The following CSMD2 variants were observed in gnomAD, a reference collection of about 807,000 sequenced individuals.
CSMD2 encodes the protein CUB and sushi domain-containing protein 2.
In CSMD2, 130 loss-of-function variants were observed where a neutral mutation model predicts 398.5. The ratio of observed to expected loss-of-function variants is 0.33; its 90% CI spans 0.28 to 0.38. The LOEUF is 0.38. Among genes scored for constraint, CSMD2 ranks in the 10% least tolerant of loss-of-function variants. The pLI is 1.00. For missense variants in CSMD2, 3,829 were observed against 4,764.9 expected (o/e 0.80, Z 5.78); for synonymous variants, 1,828 against 1,908.5 (o/e 0.96, Z 1.10).
In CSMD2 at chr1:33,743,351, C is replaced by G; in HGVS notation, c.2102G>C (p.Gly701Ala). 1 of 1,614,150 alleles carries G rather than the reference C, an allele frequency of 6.2e-7. No homozygotes were observed. Among genetic ancestry groups the G allele is most frequent in the Admixed American group, 1.7e-5 (1 of 60,022 alleles). Residue 701 changes from glycine to alanine, a missense_variant, in exon 14 of 71, where the codon GGC becomes GCC. By Grantham distance (60) the Gly-to-Ala change is moderately conservative (BLOSUM62 0). Transcript: ENST00000373381. The part of the protein sequence containing the change: ...NQLPSSITSS[G>A]HVARLEFQTD... ...CTGGAACTCGAGACGGGCCACGTGG[C>G]CACTGCTTGTGATGGAGGAGGGAAG... is the stretch of plus-strand genomic sequence containing the variant.
At chr1:33,571,871 T>A (rs1659627409) in intron 50 of CSMD2, 145 bp from the exon 51 acceptor site, 1 of 554,382 alleles carries the variant, frequency 1.8e-6, no homozygotes, top group Non-Finnish European at 2.7e-6. Flanking sequence ...GTTTGGTAAA[T>A]GAACAGGTGG....
intron 44 of CSMD2, chr1:33,599,486 CTTA>C (rs2148798230): frequency 1.3e-5 from 2 of 152,304 alleles, no homozygotes; most frequent in African/African-American, 4.8e-5. Flanking sequence ...AGGTTAGGTA[CTTA>C]TATGATTCCT....
intron 44 of CSMD2, among the ~76,000 whole-genome samples, chr1:33,588,383 G>GTT (rs138129597): frequency 1.3e-5 from 2 of 151,712 alleles, no homozygotes; most frequent in Non-Finnish European, 2.9e-5. Context: ...CATCTTTTAC[G>GTT]TTTTTTTCTT....
At chr1:33,693,870 C>A (rs1252012338) in intron 24 of CSMD2, among the ~76,000 whole-genome samples, 1 of 152,004 alleles carries the variant, frequency 6.6e-6, no homozygotes, top group African/African-American at 2.4e-5. Flanking sequence ...TCAGCCTGAC[C>A]AACATGGAGA....
intron 2 of CSMD2, among the ~76,000 whole-genome samples, chr1:34,042,913 C>T (rs1289972283): frequency 6.6e-6 from 1 of 151,300 alleles, no homozygotes; most frequent in Non-Finnish European, 1.5e-5. Flanking sequence ...CTCAGCCTCC[C>T]GAGTAGCTAG....
intron 25 of CSMD2, among the ~76,000 whole-genome samples, chr1:33,669,554 C>T (rs1418471906): frequency 6.6e-6 from 1 of 152,218 alleles, no homozygotes; most frequent in Non-Finnish European, 1.5e-5. Flanking sequence ...TTACTGATTT[C>T]CTTCTTATTC....
At chr1:33,654,501 C>T (rs766898817) in intron 27 of CSMD2, among the ~76,000 whole-genome samples, 1 of 152,156 alleles carries the variant, frequency 6.6e-6, no homozygotes, top group Non-Finnish European at 1.5e-5. Context: ...AGCTTCTGAG[C>T]GAGGTGGTGC....
Position 34,132,253 on chromosome 1 carries a change from ACCCTTAGTCAGCTTT to A in CSMD2, c.187+32643_187+32657del, listed in dbSNP as rs1402443248. On this transcript the variant is annotated intron_variant, in intron 1 of 70. Transcript: ENST00000373381. Reference sequence around the variant, plus strand: ...AGACCTGTGGCACCTCGTCCTGCTGACCCTTAGTCAGCTTTCCCTTCCCCTAATAAAGCCCCGATT... The same window carrying A: ...AGACCTGTGGCACCTCGTCCTGCTGACCCTTCCCCTAATAAAGCCCCGATT... Among the ~76,000 whole-genome samples, 10 of 151,866 alleles carry A rather than the reference ACCCTTAGTCAGCTTT, an allele frequency of 6.6e-5. 1 individual carries two copies. Among genetic ancestry groups the A allele is most frequent in the African/African-American group, 2.2e-4 (9 of 41,392 alleles).
At chr1:33,568,815 T>A (rs1452613508) in intron 52 of CSMD2, among the ~76,000 whole-genome samples, 1 of 152,152 alleles carries the variant, frequency 6.6e-6, no homozygotes, top group East Asian at 1.9e-4. Context: ...ATTAGGTTTA[T>A]GTGGCTGGGG....
At chr1:33,792,159 C>T (rs144461652) in intron 11 of CSMD2, among the ~76,000 whole-genome samples, 5 of 152,150 alleles carry the variant, frequency 3.3e-5, no homozygotes, top group Non-Finnish European at 5.9e-5. Flanking sequence ...CAGGTTCATC[C>T]ACAAAACCTC....
chr1:34,104,769 G>A lies in CSMD2; in HGVS notation c.188-15576C>T, dbSNP rs146694376. On this transcript the variant is annotated intron_variant, in intron 1 of 70. Transcript: ENST00000373381. ...CTTGTCCGCTGATGAGAGAGGCAGGGGTCAAACAGTATCTTTGGCTCTCTA... is the reference window on the plus strand; with the variant it reads ...CTTGTCCGCTGATGAGAGAGGCAGGAGTCAAACAGTATCTTTGGCTCTCTA... 1.5e-3 allele frequency among the ~76,000 whole-genome samples: 222 copies of A among 152,250 alleles called. 1 individual carries two copies. The highest frequency in any genetic ancestry group is 5.0e-3 in the African/African-American group (207 of 41,546).
At chr1:34,093,228 A>G (rs1558374528) in intron 1 of CSMD2, among the ~76,000 whole-genome samples, 2 of 152,210 alleles carry the variant, frequency 1.3e-5, no homozygotes, top group Non-Finnish European at 2.9e-5. Flanking sequence ...TAACAAACAG[A>G]AAGGACATTC....
intron 3 of CSMD2, among the ~76,000 whole-genome samples, chr1:33,998,430 G>A (rs989442454): frequency 1.3e-5 from 2 of 152,184 alleles, no homozygotes; most frequent in Non-Finnish European, 2.9e-5. Flanking sequence ...TCCAGCTCAC[G>A]TACATGCAAA....
intron 2 of CSMD2, among the ~76,000 whole-genome samples, chr1:34,086,441 T>C (rs1308378590): frequency 1.3e-5 from 2 of 152,234 alleles, no homozygotes; most frequent in African/African-American, 2.4e-5. Context: ...GGATATCTAA[T>C]AGACATCTAA....
At chr1:33,791,924 C>T (rs937061635) in intron 11 of CSMD2, among the ~76,000 whole-genome samples, 5 of 152,212 alleles carry the variant, frequency 3.3e-5, no homozygotes, top group African/African-American at 9.7e-5. Context: ...ACATGTCATA[C>T]TGGTCTTTTT....
At chr1:33,775,809 T>G in intron 12 of CSMD2, among the ~76,000 whole-genome samples, 1 of 151,302 alleles carries the variant, frequency 6.6e-6, no homozygotes, top group African/African-American at 2.4e-5. Flanking sequence ...CCAAGGAGAG[T>G]GAGAAGGGAT....
intron 67 of CSMD2, 28 bp from the exon 68 acceptor site, chr1:33,521,578 G>A (rs1690547): frequency 1.4e-6 from 2 of 1,433,696 alleles, no homozygotes; most frequent in East Asian, 2.3e-5. Context: ...ACAGAGAGCA[G>A]GTGGGAGGCT....
intron 1 of CSMD2, among the ~76,000 whole-genome samples, chr1:34,131,363 T>G (rs1323993394): frequency 6.6e-6 from 1 of 152,054 alleles, no homozygotes; most frequent in Non-Finnish European, 1.5e-5. Context: ...GGGTCTTAAT[T>G]TTTCTTTTCA....
At chr1:33,972,133 A>T (rs6676605) in intron 3 of CSMD2, among the ~76,000 whole-genome samples, 10,343 of 152,052 alleles carry the variant, frequency 0.068, 834 homozygotes, top group East Asian at 0.37. Context: ...CTCCCTGGGG[A>T]CTTCTGGACA....
Sources: gnomAD v4.1 joint callset for allele counts (sites outside exome capture counted in the v4.1 genomes callset) on GRCh38, gnomAD v4.1.1 for gene constraint, MANE v1.5 for transcripts, NCBI Gene and HGNC (gene_info 2026-07-23, HGNC 2026-07-21) for gene names.